The following TSC22D1 variants were observed in gnomAD, a reference collection of about 807,000 sequenced individuals.
TSC22D1 encodes TSC22 domain family member 1.
TSC22D1 carries 9 observed loss-of-function variants against 74.2 expected under a neutral mutation model. That is an observed-to-expected ratio of 0.12 (90% CI 0.07 to 0.21). TSC22D1 has a LOEUF of 0.21. TSC22D1 is among the 10% of genes least tolerant of loss of function. TSC22D1 has a pLI of 1.00. For synonymous variants in TSC22D1, 586 were observed against 492.5 expected, an observed-to-expected ratio of 1.19 and a Z score of -2.51; for missense variants, 1,427 against 1,304.7, an observed-to-expected ratio of 1.09 and a Z score of -1.44.
In TSC22D1 at chr13:44,477,091, G is replaced by C. The variant is rs1004370239; in HGVS notation, c.2913-40996C>G. 8.6e-5 allele frequency among the ~76,000 whole-genome samples: 13 copies of C among 152,020 alleles called. No homozygotes were observed. In the South Asian group the frequency reaches 1.7e-3, roughly 19 times the overall value. ...CACCTCCCAGGTTCAAATGATTTTC[G>C]TGCCTCAGCCTGCCAAGTAGCTGGC... On this transcript the variant is annotated intron_variant, in intron 1 of 2. Transcript: ENST00000458659.
At chr13:44,487,037 T>C (rs1198139843) in intron 1 of TSC22D1, among the ~76,000 whole-genome samples, 1 of 152,112 alleles carries the variant, frequency 6.6e-6, no homozygotes, top group Non-Finnish European at 1.5e-5. Context: ...TATAAGGTTT[T>C]AAATGCAAAG....
intron 1 of TSC22D1, among the ~76,000 whole-genome samples, chr13:44,522,613 G>A (rs1880368654): frequency 1.3e-5 from 2 of 152,138 alleles, no homozygotes; most frequent in South Asian, 4.1e-4. Flanking sequence ...AGTCTTCATG[G>A]TGCTGGACAA....
chr13:44,465,424 A>G (rs1332524043), intron 1 of TSC22D1, among the ~76,000 whole-genome samples: 1 of 152,204 alleles, frequency 6.6e-6, no homozygotes, highest in African/African-American at 2.4e-5. Flanking sequence ...GTGGTTCTCA[A>G]CCTTGGATGA....
chr13:44,542,755 G>C (rs1310111915), intron 1 of TSC22D1, among the ~76,000 whole-genome samples: 1 of 152,004 alleles, frequency 6.6e-6, no homozygotes, highest in East Asian at 1.9e-4. Flanking sequence ...CTCTGAATTT[G>C]ATAATGTATC....
At chr13:44,483,942 T>A (rs1295558305) in intron 1 of TSC22D1, among the ~76,000 whole-genome samples, 3 of 152,232 alleles carry the variant, frequency 2.0e-5, no homozygotes, top group Non-Finnish European at 4.4e-5. Context: ...TTCTAGATTA[T>A]TTTTATGAAT....
intron 2 of TSC22D1, 102 bp from the exon 3 acceptor site, chr13:44,434,985 A>G: frequency 9.9e-7 from 1 of 1,012,868 alleles, no homozygotes. Flanking sequence ...AACTATTTAC[A>G]TATTCCACCT....
At chr13:44,548,994 A>AAT (rs1357085861) in intron 1 of TSC22D1, among the ~76,000 whole-genome samples, 1 of 152,200 alleles carries the variant, frequency 6.6e-6, no homozygotes, top group African/African-American at 2.4e-5. Context: ...ATAATCTGAC[A>AAT]ATAATAAACT....
chr13:44,485,035 G>A (rs576009454), intron 1 of TSC22D1, among the ~76,000 whole-genome samples: 1 of 152,164 alleles, frequency 6.6e-6, no homozygotes, highest in Non-Finnish European at 1.5e-5. Flanking sequence ...GAGTATGTAA[G>A]ATGAGTAGTA....
At chr13:44,448,352 T>C (rs78695241) in intron 1 of TSC22D1, among the ~76,000 whole-genome samples, 1,991 of 152,282 alleles carry the variant, frequency 0.013, 45 homozygotes, top group African/African-American at 0.045. Flanking sequence ...TGGTAGGAAC[T>C]AGACTAACCA....
chr13:44,451,981 G>A (rs751123305), intron 1 of TSC22D1, among the ~76,000 whole-genome samples: 1 of 152,194 alleles, frequency 6.6e-6, no homozygotes, highest in Admixed American at 6.5e-5. Context: ...CCCCACATCA[G>A]GGACTTGTTC....
Position 44,550,939 on chromosome 13 carries a change from C to CA in TSC22D1, c.2912+22223dup, listed in dbSNP as rs59235877. On this transcript the variant is annotated intron_variant, in intron 1 of 2. Coordinates refer to ENST00000458659, the MANE Select transcript of TSC22D1 (RefSeq NM_183422.4). ...TGGGTGACAAAGTGAGATCCAGTCT[C>CA]AAAAAAAAAAAATAAAAATAAACCG... is the stretch of plus-strand genomic sequence containing the variant. Among the ~76,000 whole-genome samples the CA allele has an allele frequency of 5.5e-3, 779 of 140,696 alleles. 2 individuals are homozygous for CA. The highest frequency in any genetic ancestry group is 8.0e-3 in the Non-Finnish European group (518 of 64,440). 92.3% of individuals were successfully genotyped at this position (140,696 alleles called of 152,430 possible). A position where few individuals can be genotyped will look rare whatever the true frequency, so the allele number is the denominator to read the frequency against.
At chr13:44,460,945 T>C (rs1876965497) in intron 1 of TSC22D1, among the ~76,000 whole-genome samples, 1 of 152,258 alleles carries the variant, frequency 6.6e-6, no homozygotes, top group African/African-American at 2.4e-5. Context: ...GTAGGAATGA[T>C]ATAATTTATC....
chr13:44,513,805 C>T (rs1879847493), intron 1 of TSC22D1, among the ~76,000 whole-genome samples: 1 of 152,188 alleles, frequency 6.6e-6, no homozygotes, highest in Non-Finnish European at 1.5e-5. Flanking sequence ...ACTTTGTTCT[C>T]AGCTAATTAA....
At chr13:44,552,881 C>T (rs1175051971) in intron 1 of TSC22D1, among the ~76,000 whole-genome samples, 4 of 152,016 alleles carry the variant, frequency 2.6e-5, no homozygotes, top group East Asian at 1.9e-4. Flanking sequence ...CCATCTACTC[C>T]GGAGGCTGAG....
chr13:44,436,792 A>G (rs1595075055), intron 1 of TSC22D1: 2 of 1,436,632 alleles, frequency 1.4e-6, no homozygotes, highest in East Asian at 4.8e-5. Flanking sequence ...TCCCAGGCAG[A>G]TGCGGATCCC....
intron 1 of TSC22D1, among the ~76,000 whole-genome samples, chr13:44,549,728 T>C (rs1027742118): frequency 6.7e-5 from 10 of 148,926 alleles, no homozygotes; most frequent in Admixed American, 2.7e-4. Flanking sequence ...GATCACACCA[T>C]TGCATTCCAG....
chr13:44,517,857 A>ATATATTTTTTTTT (rs10627677), intron 1 of TSC22D1, among the ~76,000 whole-genome samples: 7 of 16,168 alleles, frequency 4.3e-4, no homozygotes, highest in Non-Finnish European at 7.0e-4. Flanking sequence ...ATATATATAT[A>ATATATTTTTTTTT]TTTTTTTTTT....
chr13:44,505,356 C>G (rs1879399666), intron 1 of TSC22D1, among the ~76,000 whole-genome samples: 1 of 152,068 alleles, frequency 6.6e-6, no homozygotes, highest in East Asian at 1.9e-4. Context: ...GAGTTCGAGA[C>G]CAGACTTAGC....
chr13:44,537,708 G>GA (rs1236246538), intron 1 of TSC22D1: 31 of 984,500 alleles, frequency 3.1e-5, no homozygotes, highest in Non-Finnish European at 3.7e-5. Context: ...GCTCTCTGGG[G>GA]AAATTTCAGT....
Sources: gnomAD v4.1 joint callset for allele counts (sites outside exome capture counted in the v4.1 genomes callset) on GRCh38, gnomAD v4.1.1 for gene constraint, MANE v1.5 for transcripts, NCBI Gene and HGNC (gene_info 2026-07-23, HGNC 2026-07-21) for gene names.